CNTRL: variants seen among roughly 807,000 people sequenced by gnomAD.
CNTRL encodes 110 kDa centrosomal protein.
In CNTRL, 233 loss-of-function variants were observed where a neutral mutation model predicts 303.7. The ratio of observed to expected loss-of-function variants is 0.77; its 90% CI spans 0.69 to 0.86. CNTRL has a LOEUF of 0.86. Among genes scored for constraint, CNTRL ranks in the 40% least tolerant of loss-of-function variants. The pLI is 0.00. For synonymous variants in CNTRL, 900 were observed against 922.2 expected, an observed-to-expected ratio of 0.98 and a Z score of 0.44; for missense variants, 2,524 against 2,650.6, an observed-to-expected ratio of 0.95 and a Z score of 1.05.
chr9:121,165,977 A>T (rs1588323110), intron 35 of CNTRL, 130 bp from the exon 36 acceptor site: 16 of 662,150 alleles, frequency 2.4e-5, no homozygotes, highest in Non-Finnish European at 3.4e-5. Context: ...TTAATGAGAT[A>T]GTGTGGCATA....
At chr9:121,171,160 C>A in intron 39 of CNTRL, 1 of 546,354 alleles carries the variant, frequency 1.8e-6, no homozygotes, top group South Asian at 1.7e-5. Context: ...ATTTTACAGA[C>A]AATTAATGAA....
rs769919497 is a variant in CNTRL, at chr9:121,160,322, A to G, written c.5089+20A>G. The G allele has an allele frequency of 8.3e-6, 12 of 1,445,168 alleles. No individual in the cohort carries two copies. The highest frequency in any genetic ancestry group is 5.2e-5 in the East Asian group (2 of 38,538). 89.5% of individuals were successfully genotyped at this position (1,445,168 alleles called of 1,614,324 possible). A position where few individuals can be genotyped will look rare whatever the true frequency, so the allele number is the denominator to read the frequency against. On this transcript the variant is annotated intron_variant, in intron 32 of 43. Coordinates refer to ENST00000373855, the MANE Select transcript of CNTRL (RefSeq NM_007018.6). ...AAACCGGTAAGTTTAAAGGAAAACA[A>G]TCATACAAAGTTTGAGGTTGGAAAT...
At chr9:121,105,919 T>A (rs1043193814) in intron 7 of CNTRL, among the ~76,000 whole-genome samples, 7 of 152,160 alleles carry the variant, frequency 4.6e-5, no homozygotes, top group Non-Finnish European at 1.0e-4. Flanking sequence ...ATCATTTTTT[T>A]AAAAAGATCA....
At position 121,152,488 on chromosome 9, in the gene CNTRL, A is replaced by C. The variant is rs1386368923; in HGVS notation, c.3967A>C (p.Asn1323His). ...TTTTTTTCCCCATCTCATTCAGGAG[A>C]ATGAAGTTTCTAGATTAGAAGACAT... ...CNVPEHHNLE[N>H]EVSRLEDIMQ... The change falls in exon 26 of 44, where the codon AAT (asparagine) becomes CAT (histidine). Residue 1323 changes from asparagine to histidine, a missense_variant. Transcript: ENST00000373855. 1 of 1,613,248 alleles carries C rather than the reference A, an allele frequency of 6.2e-7. No individual in the cohort carries two copies. Among genetic ancestry groups the C allele is most frequent in the Non-Finnish European group, 8.5e-7 (1 of 1,179,330 alleles).
At chr9:121,087,619 A>G (rs952785160) in intron 2 of CNTRL, among the ~76,000 whole-genome samples, 3 of 152,002 alleles carry the variant, frequency 2.0e-5, no homozygotes, top group Non-Finnish European at 4.4e-5. Flanking sequence ...TGAACCTGGG[A>G]GGCAGAGGTT....
intron 25 of CNTRL, 107 bp from the exon 26 acceptor site, chr9:121,152,378 G>T: frequency 1.3e-6 from 1 of 775,730 alleles, no homozygotes; most frequent in Non-Finnish European, 2.2e-6. Flanking sequence ...ATCATTTTTT[G>T]GGCCATTGAT....
chr9:121,153,864 A>G (rs1036588089), intron 26 of CNTRL, among the ~76,000 whole-genome samples: 4 of 152,214 alleles, frequency 2.6e-5, no homozygotes, highest in Non-Finnish European at 5.9e-5. Context: ...AGTCCTGGCA[A>G]GTGAAAGCAA....
intron 6 of CNTRL, 39 bp downstream of exon 6, chr9:121,096,602 A>C: frequency 7.4e-7 from 1 of 1,355,734 alleles, no homozygotes. Context: ...TAGACTTGTT[A>C]AAAAATAAAA....
rs1201838853 is a variant in CNTRL, at chr9:121,157,824, A to T, written c.4581A>T (p.Ala1527=). 1 of 1,614,262 alleles carries T rather than the reference A, an allele frequency of 6.2e-7. No homozygotes were observed. The highest frequency in any genetic ancestry group is 1.1e-5 in the South Asian group (1 of 91,088). The change falls in exon 29 of 44, where the codon GCA becomes GCT. Residue 1527 remains alanine (A), a synonymous_variant. Coordinates refer to ENST00000373855, the MANE Select transcript of CNTRL (RefSeq NM_007018.6). ...TGAAAGAAATAAACAAAATTGTAGC[A>T]GCAAAAGACTCAGACTTCCAATGTT... ...EILKEINKIV[A]AKDSDFQCLS... is the part of the protein sequence containing the mutation.
intron 7 of CNTRL, among the ~76,000 whole-genome samples, chr9:121,101,071 C>T (rs2049142040): frequency 6.6e-6 from 1 of 152,044 alleles, no homozygotes; most frequent in African/African-American, 2.4e-5. Context: ...ATACAGAACT[C>T]TCCACCCCAA....
At chr9:121,139,099 C>T (rs1415968419) in intron 16 of CNTRL, among the ~76,000 whole-genome samples, 1 of 152,068 alleles carries the variant, frequency 6.6e-6, no homozygotes, top group Admixed American at 6.6e-5. Flanking sequence ...GATTTCTTAT[C>T]TGTAAATAGT....
chr9:121,159,160 T>TA, intron 31 of CNTRL, 141 bp downstream of exon 31: 1 of 816,232 alleles, frequency 1.2e-6, no homozygotes, highest in East Asian at 2.7e-5. Context: ...TTGGTGTTGT[T>TA]ACATATCCAT....
chr9:121,099,082 G>A (rs1392182401), intron 7 of CNTRL, among the ~76,000 whole-genome samples: 1 of 152,182 alleles, frequency 6.6e-6, no homozygotes, highest in East Asian at 1.9e-4. Flanking sequence ...CTCCCAGCAC[G>A]GAGTTTGAGA....
At chr9:121,104,731 C>A (rs866836285) in intron 7 of CNTRL, among the ~76,000 whole-genome samples, 3 of 101,076 alleles carry the variant, frequency 3.0e-5, no homozygotes, top group African/African-American at 1.1e-4. Flanking sequence ...GACAGAGTTT[C>A]GCTCTTGTTG....
In CNTRL at chr9:121,092,491, A is replaced by G. The variant is rs796125795; in HGVS notation, c.348+2086A>G. Among the ~76,000 whole-genome samples the G allele has an allele frequency of 1.2e-3, 97 of 81,774 alleles. 19 individuals carry two copies. The highest frequency in any genetic ancestry group is 5.2e-3 in the African/African-American group (88 of 17,032). The allele number at this position is 81,774 out of a possible 152,430, so 53.6% of individuals were successfully genotyped here. On this transcript the variant is annotated intron_variant, in intron 4 of 43. Transcript: ENST00000373855. ...TAATATATATCTATATATATAATAT[A>G]TATCTATATATATAATATATATCTA...
chr9:121,161,411 G>C (rs756350754), intron 32 of CNTRL: 5 of 375,496 alleles, frequency 1.3e-5, no homozygotes, highest in Non-Finnish European at 2.4e-5. Context: ...AATTTATTTT[G>C]ATCAATTTTA....
At chr9:121,143,847 T>A in intron 19 of CNTRL, 56 bp from the exon 20 acceptor site, 1 of 1,423,770 alleles carries the variant, frequency 7.0e-7, no homozygotes, top group South Asian at 1.3e-5. Context: ...AGCTTACATC[T>A]GAATTCATTC....
intron 42 of CNTRL, among the ~76,000 whole-genome samples, chr9:121,174,218 A>G (rs1484016226): frequency 6.6e-6 from 1 of 152,140 alleles, no homozygotes; most frequent in Non-Finnish European, 1.5e-5. Context: ...AGGATTACTG[A>G]TCAGTGTTGA....
intron 12 of CNTRL, among the ~76,000 whole-genome samples, chr9:121,119,082 G>GTGTT (rs1270102871): frequency 8.9e-6 from 1 of 112,464 alleles, no homozygotes; most frequent in African/African-American, 3.5e-5. Context: ...ATAAATATAT[G>GTGTT]TGTGTGTGTG....
Sources: allele counts gnomAD v4.1 joint callset (sites outside exome capture counted in the v4.1 genomes callset), GRCh38; gene constraint gnomAD v4.1.1; transcripts MANE v1.5; gene names NCBI Gene and HGNC (gene_info 2026-07-23, HGNC 2026-07-21).